CADM2: variants seen among roughly 807,000 people sequenced by gnomAD.
CADM2 encodes the protein immunoglobulin superfamily member 4D.
Under a neutral mutation model 49.8 loss-of-function variants are expected in CADM2, and 12 were observed. That is an observed-to-expected ratio of 0.24 (90% confidence interval 0.15 to 0.39). The LOEUF is 0.39. CADM2 is among the 10% of genes least tolerant of loss of function. The pLI, the probability that CADM2 is intolerant of heterozygous loss-of-function variation, is 1.00. For synonymous variants in CADM2, 214 were observed against 175.4 expected (o/e 1.22, Z -1.74); for missense variants, 378 against 492.3 (o/e 0.77, Z 2.20).
intron 8 of CADM2, among the ~76,000 whole-genome samples, chr3:86,038,066 T>G (rs1735394240): frequency 6.6e-6 from 1 of 152,080 alleles, no homozygotes. Flanking sequence ...ACCTCCCACT[T>G]ATGAGTGAGA....
intron 1 of CADM2, among the ~76,000 whole-genome samples, chr3:85,451,815 G>T (rs191766406): frequency 1.0e-3 from 155 of 152,216 alleles, no homozygotes; most frequent in African/African-American, 3.6e-3. Flanking sequence ...CACAATAACA[G>T]TGGTCAGCAA....
At chr3:85,601,124 A>ATGTGTGTGTGTGTGTG (rs10663541) in intron 1 of CADM2, among the ~76,000 whole-genome samples, 2 of 61,648 alleles carry the variant, frequency 3.2e-5, no homozygotes, top group Non-Finnish European at 6.4e-5. Context: ...GCATTTATAT[A>ATGTGTGTGTGTGTGTG]TGTGTGTATA....
chr3:85,342,653 G>A (rs1576381125), intron 1 of CADM2, among the ~76,000 whole-genome samples: 1 of 83,632 alleles, frequency 1.2e-5, no homozygotes, highest in Admixed American at 1.4e-4. Context: ...GACCCTCCTT[G>A]TGTTTGGACA....
intron 1 of CADM2, among the ~76,000 whole-genome samples, chr3:85,210,072 T>A (rs2041741618): frequency 6.6e-6 from 1 of 152,214 alleles, no homozygotes; most frequent in Non-Finnish European, 1.5e-5. Flanking sequence ...AATTGCTATT[T>A]TAGAAATTTT....
rs78579042 is a variant in CADM2, at chr3:85,652,696, G to C, written c.62-73826G>C. Among the ~76,000 whole-genome samples, 310 of 151,214 alleles carry C rather than the reference G, an allele frequency of 2.1e-3. 1 individual carries two copies. Among genetic ancestry groups the C allele is most frequent in the African/African-American group, 6.8e-3 (282 of 41,192 alleles). On this transcript the variant is annotated intron_variant, in intron 1 of 9. Transcript: ENST00000383699. ...GAAAATGAAGTCAGAGTGAAGGGTG[G>C]TGGAAAGATTATTTATGACAGTATT...
chr3:85,232,189 G>T (rs1001869275), intron 1 of CADM2, among the ~76,000 whole-genome samples: 1 of 150,998 alleles, frequency 6.6e-6, no homozygotes, highest in Admixed American at 6.6e-5. Flanking sequence ...CAGTTAAAGG[G>T]TGAAATGTTC....
chr3:85,333,250 T>G (rs2044985813), intron 1 of CADM2, among the ~76,000 whole-genome samples: 1 of 151,788 alleles, frequency 6.6e-6, no homozygotes, highest in African/African-American at 2.4e-5. Context: ...TAGTGATACA[T>G]ATAAAAGTAA....
chr3:85,364,886 A>G (rs1461765791), intron 1 of CADM2, among the ~76,000 whole-genome samples: 1 of 151,954 alleles, frequency 6.6e-6, no homozygotes, highest in Non-Finnish European at 1.5e-5. Flanking sequence ...AACAACAACA[A>G]CAACAACAAC....
intron 2 of CADM2, among the ~76,000 whole-genome samples, chr3:85,785,049 G>A (rs1559655348): frequency 6.6e-6 from 1 of 151,876 alleles, no homozygotes; most frequent in South Asian, 2.1e-4. Context: ...CATTTCTTCT[G>A]CGTTTTCCAA....
At chr3:85,938,070 C>G (rs2108544320) in intron 7 of CADM2, among the ~76,000 whole-genome samples, 1 of 152,052 alleles carries the variant, frequency 6.6e-6, no homozygotes, top group African/African-American at 2.4e-5. Flanking sequence ...TCTTTGATGC[C>G]TTTCTTCATT....
Position 85,339,650 on chromosome 3 carries a change from C to T in CADM2, c.61+379982C>T, listed in dbSNP as rs371156908. 3.3e-5 allele frequency among the ~76,000 whole-genome samples: 5 copies of T among 151,336 alleles called. No homozygotes were observed. In the South Asian group the frequency reaches 8.3e-4, roughly 25 times the overall value. On this transcript the variant is annotated intron_variant, in intron 1 of 9. Transcript: ENST00000383699. ...AATTTTGTGGGAATGACTGAGTTTC[C>T]AAAATACCTTTATTGACTTGGTATC... is the stretch of plus-strand genomic sequence containing the variant.
intron 1 of CADM2, among the ~76,000 whole-genome samples, chr3:85,188,659 G>A (rs2107718588): frequency 6.6e-6 from 1 of 151,888 alleles, no homozygotes; most frequent in South Asian, 2.1e-4. Flanking sequence ...GAATATTATT[G>A]TAGGATTACA....
At chr3:85,498,369 A>G (rs2039988797) in intron 1 of CADM2, among the ~76,000 whole-genome samples, 1 of 152,108 alleles carries the variant, frequency 6.6e-6, no homozygotes, top group Non-Finnish European at 1.5e-5. Flanking sequence ...TGTTGGTCCT[A>G]AGTTCAATGT....
intron 1 of CADM2, among the ~76,000 whole-genome samples, chr3:85,523,497 A>G (rs1045704326): frequency 1.3e-5 from 2 of 152,176 alleles, no homozygotes; most frequent in Admixed American, 6.6e-5. Context: ...ATAACTGAAA[A>G]TATTTGGCTG....
chr3:85,231,966 C>T (rs1403935306), intron 1 of CADM2, among the ~76,000 whole-genome samples: 2 of 151,690 alleles, frequency 1.3e-5, no homozygotes, highest in African/African-American at 4.8e-5. Context: ...CCACCCAGCT[C>T]AGCGTCCCAA....
intron 6 of CADM2, among the ~76,000 whole-genome samples, chr3:85,927,852 T>G (rs13320595): frequency 0.038 from 5,813 of 152,220 alleles, 366 homozygotes; most frequent in African/African-American, 0.13. Flanking sequence ...ATTTTTTTCC[T>G]GATAAAACAT....
At chr3:85,690,509 G>C (rs1460928083) in intron 1 of CADM2, among the ~76,000 whole-genome samples, 1 of 151,992 alleles carries the variant, frequency 6.6e-6, no homozygotes, top group African/African-American at 2.4e-5. Flanking sequence ...GGGGAGTCAA[G>C]AGGGGACAAG....
chr3:84,994,652 GT>G (rs1301538411), intron 1 of CADM2, among the ~76,000 whole-genome samples: 12 of 152,090 alleles, frequency 7.9e-5, no homozygotes, highest in Admixed American at 6.6e-4. Flanking sequence ...ACAAGAAAAT[GT>G]GTAGAGTATG....
At chr3:85,342,208 GA>G (rs1271238744) in intron 1 of CADM2, among the ~76,000 whole-genome samples, 2 of 151,882 alleles carry the variant, frequency 1.3e-5, no homozygotes, top group Middle Eastern at 3.2e-3. Context: ...CAAAGGATAT[GA>G]ACAGACACTT....
Sources: gnomAD v4.1 joint callset for allele counts (sites outside exome capture counted in the v4.1 genomes callset) on GRCh38, gnomAD v4.1.1 for gene constraint, MANE v1.5 for transcripts, NCBI Gene and HGNC (gene_info 2026-07-23, HGNC 2026-07-21) for gene names.